NRXN3: variants seen among roughly 807,000 people sequenced by gnomAD.
NRXN3 encodes neurexin III.
Under a neutral mutation model 137.6 loss-of-function variants are expected in NRXN3, and 32 were observed. The observed-to-expected ratio is 0.23, with a 90% CI of 0.18 to 0.31. The LOEUF is 0.31. NRXN3 is among the 10% of genes least tolerant of loss of function. The probability of loss-of-function intolerance (pLI) is 1.00; values close to 1 mark genes in which losing one functional copy is unlikely to be tolerated. For synonymous variants in NRXN3, 798 were observed against 784.5 expected (o/e 1.02, Z -0.29); for missense variants, 1,574 against 2,062.5 (o/e 0.76, Z 4.59).
At chr14:79,675,909 A>T (rs2098638261) in intron 17 of NRXN3, among the ~76,000 whole-genome samples, 1 of 152,130 alleles carries the variant, frequency 6.6e-6, no homozygotes, top group Non-Finnish European at 1.5e-5. Context: ...CTAAAAAAAT[A>T]GTGCTTACTT....
intron 18 of NRXN3, among the ~76,000 whole-genome samples, chr14:79,696,118 T>A (rs2098734515): frequency 6.6e-6 from 1 of 151,958 alleles, no homozygotes; most frequent in African/African-American, 2.4e-5. Context: ...CACTTCCATT[T>A]CTTTCATTGT....
At chr14:78,334,641 A>G (rs1243505733) in intron 4 of NRXN3, among the ~76,000 whole-genome samples, 1 of 152,178 alleles carries the variant, frequency 6.6e-6, no homozygotes, top group Non-Finnish European at 1.5e-5. Context: ...TTGTTCATTG[A>G]GAATGTGTAT....
At chr14:79,213,156 C>A (rs1219763614) in intron 15 of NRXN3, among the ~76,000 whole-genome samples, 1 of 151,890 alleles carries the variant, frequency 6.6e-6, no homozygotes, top group Non-Finnish European at 1.5e-5. Context: ...TCCATTTTTC[C>A]CCTGTCTTTA....
At chr14:78,632,363 AT>A in intron 4 of NRXN3, among the ~76,000 whole-genome samples, 1 of 152,234 alleles carries the variant, frequency 6.6e-6, no homozygotes, top group East Asian at 1.9e-4. Flanking sequence ...AAATCAGATA[AT>A]GTATGTGAAA....
At chr14:78,263,871 TTTTGTGTGTGTG>T (rs1437304346) in intron 2 of NRXN3, among the ~76,000 whole-genome samples, 2 of 133,204 alleles carry the variant, frequency 1.5e-5, no homozygotes, top group Non-Finnish European at 3.2e-5. Context: ...GTCAGTTCTA[TTTTGTGTGTGTG>T]TGTGTGTGTG....
chr14:79,108,959 T>C (rs1466771722), intron 15 of NRXN3, among the ~76,000 whole-genome samples: 1 of 152,146 alleles, frequency 6.6e-6, no homozygotes, highest in African/African-American at 2.4e-5. Context: ...TTGGACAGCA[T>C]TGGAGCACTC....
At chr14:78,624,767 A>C (rs572547819) in intron 4 of NRXN3, among the ~76,000 whole-genome samples, 5 of 152,150 alleles carry the variant, frequency 3.3e-5, no homozygotes, top group Admixed American at 3.3e-4. Context: ...CTAGCTTTGT[A>C]ACCCAGTCCC....
intron 15 of NRXN3, among the ~76,000 whole-genome samples, chr14:79,298,236 T>C (rs950411488): frequency 1.3e-5 from 2 of 152,122 alleles, no homozygotes; most frequent in African/African-American, 4.8e-5. Flanking sequence ...TATAATGACA[T>C]GACCAGCCAG....
intron 17 of NRXN3, among the ~76,000 whole-genome samples, chr14:79,667,932 T>G (rs2050070071): frequency 6.6e-6 from 1 of 152,034 alleles, no homozygotes; most frequent in African/African-American, 2.4e-5. Flanking sequence ...ATACTGTCAC[T>G]GCTGTAAGAT....
chr14:78,405,758 T>G (rs1229252212), intron 4 of NRXN3, among the ~76,000 whole-genome samples: 1 of 152,152 alleles, frequency 6.6e-6, no homozygotes, highest in Non-Finnish European at 1.5e-5. Context: ...GGGGGACACA[T>G]TCATTTCATT....
intron 4 of NRXN3, among the ~76,000 whole-genome samples, chr14:78,633,694 C>T (rs1434404382): frequency 2.6e-5 from 4 of 152,202 alleles, no homozygotes; most frequent in South Asian, 2.1e-4. Context: ...TTTGCACCTC[C>T]GCATTGGCAA....
chr14:79,455,220 ATCT>A (rs2096242321), intron 15 of NRXN3, among the ~76,000 whole-genome samples: 3 of 152,188 alleles, frequency 2.0e-5, no homozygotes, highest in South Asian at 4.1e-4. Flanking sequence ...CATAGGCAAC[ATCT>A]TCTTCTATAA....
At chr14:79,209,992 A>G (rs1000182953) in intron 15 of NRXN3, among the ~76,000 whole-genome samples, 5 of 152,226 alleles carry the variant, frequency 3.3e-5, no homozygotes, top group Non-Finnish European at 7.3e-5. Context: ...GGCATTGGTC[A>G]TTTGGTTATA....
At chr14:78,957,396 TCTCTCAGTC>T (rs1486980311) in intron 11 of NRXN3, 35 bp downstream of exon 11, 1 of 1,585,126 alleles carries the variant, frequency 6.3e-7, no homozygotes, top group Admixed American at 1.7e-5. Flanking sequence ...GTCTGTCTTT[TCTCTCAGTC>T]CTCTCAGTCA....
intron 15 of NRXN3, among the ~76,000 whole-genome samples, chr14:79,117,535 A>G (rs2054651892): frequency 6.6e-6 from 1 of 152,248 alleles, no homozygotes; most frequent in Non-Finnish European, 1.5e-5. Flanking sequence ...TCCTAAAAGC[A>G]TGGACTATCT....
intron 16 of NRXN3, among the ~76,000 whole-genome samples, chr14:79,658,427 T>C (rs1603370239): frequency 6.6e-6 from 1 of 152,122 alleles, no homozygotes; most frequent in East Asian, 1.9e-4. Flanking sequence ...TGACCCGGAA[T>C]GACAAAGAAG....
chr14:79,707,198 G>C (rs1360167826), intron 19 of NRXN3, among the ~76,000 whole-genome samples: 1 of 152,142 alleles, frequency 6.6e-6, no homozygotes, highest in Non-Finnish European at 1.5e-5. Context: ...GCCTAGAATG[G>C]TGCCTGCCAC....
intron 4 of NRXN3, among the ~76,000 whole-genome samples, chr14:78,556,400 G>C (rs888401324): frequency 6.6e-6 from 1 of 152,154 alleles, no homozygotes; most frequent in African/African-American, 2.4e-5. Flanking sequence ...ATCAAGCACT[G>C]CATTTTACTG....
At chr14:78,929,332 T>C (rs111643318) in intron 10 of NRXN3, among the ~76,000 whole-genome samples, 6,850 of 152,222 alleles carry the variant, frequency 0.045, 532 homozygotes, top group African/African-American at 0.15. Flanking sequence ...CCATTAGTTA[T>C]TTTTCCTGAT....
Sources: gnomAD v4.1 joint callset for allele counts (sites outside exome capture counted in the v4.1 genomes callset) on GRCh38, gnomAD v4.1.1 for gene constraint, MANE v1.5 for transcripts, NCBI Gene and HGNC (gene_info 2026-07-23, HGNC 2026-07-21) for gene names.